Variants in SLC25A36 observed in about 807,000 individuals in gnomAD.
SLC25A36 encodes the protein solute carrier family 25 member 36.
In SLC25A36, 24 loss-of-function variants were observed where a neutral mutation model predicts 35.3. That is an observed-to-expected ratio of 0.68 (90% CI 0.49 to 0.96). The LOEUF (loss-of-function observed/expected upper bound fraction) is 0.96. Ranked by LOEUF, SLC25A36 falls within the 40% of genes least tolerant of loss-of-function variation. The pLI, the probability that SLC25A36 is intolerant of heterozygous loss-of-function variation, is 0.00. For synonymous variants in SLC25A36, 141 were observed against 132.2 expected (o/e 1.07, Z -0.46); for missense variants, 294 against 381.1 (o/e 0.77, Z 1.90).
chr3:140,968,829 A>C (rs1471750878), intron 4 of SLC25A36: 2 of 507,226 alleles, frequency 3.9e-6, no homozygotes, highest in East Asian at 3.0e-4. Flanking sequence ...AATAAGATGA[A>C]TGAGAATTTT....
At chr3:140,968,507 A>T (rs1023010337) in intron 4 of SLC25A36, 5 of 980,062 alleles carry the variant, frequency 5.1e-6, no homozygotes, top group Non-Finnish European at 4.8e-6. Context: ...GTGCTTGGAA[A>T]TGAATTTTAG....
At position 140,967,444 on chromosome 3, in the gene SLC25A36, C is replaced by CA. The variant is rs201960658; in HGVS notation, c.386-3475dup. On this transcript the variant is annotated intron_variant, in intron 4 of 6. Transcript: ENST00000324194. ...ACTTGGCTTTCTTAGAACTCTTTTGCAAAAAAAACAAAAATTAATTACTTT... is the reference window on the plus strand; with the variant it reads ...ACTTGGCTTTCTTAGAACTCTTTTGCAAAAAAAAACAAAAATTAATTACTTT... Among the ~76,000 whole-genome samples, 308 of 150,150 alleles carry CA rather than the reference C, an allele frequency of 2.1e-3. 2 individuals carry two copies. The highest frequency in any genetic ancestry group is 0.016 in the Admixed American group (246 of 15,062).
chr3:140,942,185 G>T (rs1934024197), intron 1 of SLC25A36, 90 bp downstream of exon 1: 1 of 125,506 alleles, frequency 8.0e-6, no homozygotes, highest in Non-Finnish European at 1.6e-5. Context: ...GAGGGGGGTG[G>T]GGGGGTGGGG....
chr3:140,963,555 C>T, intron 4 of SLC25A36: 1 of 165,816 alleles, frequency 6.0e-6, no homozygotes. Flanking sequence ...GTAATTTACT[C>T]TTCTCTCCTC....
rs1361871830 is a variant in SLC25A36, at chr3:140,978,306, T to A, written c.*1853T>A. On this transcript the variant is annotated 3_prime_UTR_variant, in exon 7 of 7. Transcript: ENST00000324194. ...TGGTAAATTTCAGCTTTGACATGTA[T>A]TATGAGGAACGTACCAAAAACCGGT... The A allele has an allele frequency of 2.0e-5, 3 of 152,176 alleles. No individual in the cohort carries two copies. Among genetic ancestry groups the A allele is most frequent in the Admixed American group, 1.3e-4 (2 of 15,272 alleles). 9.4% of individuals were successfully genotyped at this position (152,176 alleles called of 1,614,324 possible). A position where few individuals can be genotyped will look rare whatever the true frequency, so the allele number is the denominator to read the frequency against.
intron 5 of SLC25A36, chr3:140,973,034 G>T (rs1934946503): frequency 6.6e-6 from 1 of 152,154 alleles, no homozygotes; most frequent in Non-Finnish European, 1.5e-5. Flanking sequence ...ATAAGAGTAG[G>T]TGCTGCCCCC....
At position 140,973,889 on chromosome 3, in the gene SLC25A36, C is replaced by A; in HGVS notation, c.626C>A (p.Thr209Asn). 1 of 1,613,230 alleles carries A rather than the reference C, an allele frequency of 6.2e-7. No individual in the cohort carries two copies. The highest frequency in any genetic ancestry group is 8.5e-7 in the Non-Finnish European group (1 of 1,179,488). Residue 209 changes from threonine (T) to asparagine (N), a missense_variant, in exon 6 of 7, where the codon ACT becomes AAT. Physicochemically the swap from Thr to Asn is moderately conservative, Grantham distance 65 (BLOSUM62 0). Coordinates refer to ENST00000324194, the MANE Select transcript of SLC25A36 (RefSeq NM_001104647.3). ...SIKQKLLEYK[T>N]ASTMENDEES... ...AAACAAAAACTACTGGAATATAAGA[C>A]TGCTTCTACAATGGAAAATGATGAA...
chr3:140,965,378 A>T (rs1419874399), intron 4 of SLC25A36: 3 of 151,756 alleles, frequency 2.0e-5, no homozygotes, highest in African/African-American at 7.2e-5. Context: ...CTGTCTATTC[A>T]AGGGAAAAAA....
chr3:140,976,478 A>G lies in SLC25A36; in HGVS notation c.*25A>G, dbSNP rs747382736. 5 of 1,567,520 alleles carry G rather than the reference A, an allele frequency of 3.2e-6. No individual in the cohort carries two copies. The highest frequency in any genetic ancestry group is 2.2e-5 in the East Asian group (1 of 44,516). ...GCAGCACGAGGACTGCTGTACTGCA[A>G]AAAAAGAAGACCAAAAGATTACAGT... On this transcript the variant is annotated 3_prime_UTR_variant, in exon 7 of 7. Coordinates refer to ENST00000324194, the MANE Select transcript of SLC25A36 (RefSeq NM_001104647.3).
At position 140,956,675 on chromosome 3, in the gene SLC25A36, C is replaced by G; in HGVS notation, c.190C>G (p.Pro64Ala). The G allele has an allele frequency of 6.2e-7, 1 of 1,610,048 alleles. No homozygotes were observed. The highest frequency in any genetic ancestry group is 8.5e-7 in the Non-Finnish European group (1 of 1,178,524). ...ASVNRVVSPG[P>A]LHCLKVILEK... ...TGTCAACCGAGTAGTGTCTCCCGGA[C>G]CTCTTCATTGCCTAAAGTGAGAGCA... The change falls in exon 2 of 7, where the codon CCT (proline) becomes GCT (alanine). Residue 64 changes from proline (P) to alanine (A), a missense_variant. Physicochemically the swap from Pro to Ala is conservative, Grantham distance 27. This residue lies in a region of SLC25A36 where 185 missense variants were observed against 201.5 expected (regional missense o/e 0.92). Coordinates refer to ENST00000324194, the MANE Select transcript of SLC25A36 (RefSeq NM_001104647.3).
Position 140,947,400 on chromosome 3 carries a change from C to A in SLC25A36, c.41+5305C>A, listed in dbSNP as rs1576475792. Among the ~76,000 whole-genome samples, 3 of 152,162 alleles carry A rather than the reference C, an allele frequency of 2.0e-5. No individual in the cohort carries two copies. The South Asian group carries it at 6.2e-4, about 32-fold the overall frequency. ...TTTTTTTTATTTCTCAGTCTCGTAT[C>A]TTACTATTTTTCCTTAAAATAGTAA... On this transcript the variant is annotated intron_variant, in intron 1 of 6. Transcript: ENST00000324194.
Position 140,959,734 on chromosome 3 carries a change from G to A in SLC25A36, c.284+194G>A, listed in dbSNP as rs186866693. On this transcript the variant is annotated intron_variant, in intron 3 of 6. Transcript: ENST00000324194. ...GAACAAATTTATATAATAAAGTAAT[G>A]TTTGGTGGTAGGAAATGATACTGGA... 7.0e-3 allele frequency among the ~76,000 whole-genome samples: 1,061 copies of A among 152,240 alleles called. 7 individuals carry two copies. Among genetic ancestry groups the A allele is most frequent in the Non-Finnish European group, 0.011 (772 of 68,008 alleles).
Position 140,949,355 on chromosome 3 carries a change from G to C in SLC25A36, c.42-7172G>C, listed in dbSNP as rs151328202. The stretch of plus-strand genomic sequence containing the variant: ...TGTGTCCACATTCCAGTAAATTACC[G>C]AGATGACTTGATAAACTTACTGTAC... On this transcript the variant is annotated intron_variant, in intron 1 of 6. Transcript: ENST00000324194. Among the ~76,000 whole-genome samples, 39 of 152,186 alleles carry C rather than the reference G, an allele frequency of 2.6e-4. 1 individual carries two copies. In the East Asian group the frequency reaches 6.4e-3, roughly 25 times the overall value.
rs1013419607 is a variant in SLC25A36, at chr3:140,980,472, A to T, written c.*4019A>T. On this transcript the variant is annotated 3_prime_UTR_variant, in exon 7 of 7. Transcript: ENST00000324194. ...GTATTTCAACATTGACATAAATCTG[A>T]AATTGTTGGTTCTACTAATAGTACT... 1.3e-5 allele frequency among the ~76,000 whole-genome samples: 2 copies of T among 152,180 alleles called. No individual in the cohort carries two copies. The highest frequency in any genetic ancestry group is 2.9e-5 in the Non-Finnish European group (2 of 68,042).
intron 4 of SLC25A36, among the ~76,000 whole-genome samples, chr3:140,967,757 A>AT (rs1396000939): frequency 6.6e-6 from 1 of 151,938 alleles, no homozygotes; most frequent in Non-Finnish European, 1.5e-5. Flanking sequence ...ATTTTTAAAA[A>AT]TTTTTTAAGC....
At chr3:140,966,310 T>A in intron 4 of SLC25A36, 1 of 313,912 alleles carries the variant, frequency 3.2e-6, no homozygotes, top group Non-Finnish European at 6.4e-6. Context: ...GTTTTGTGTG[T>A]TTGTGTGTAA....
intron 1 of SLC25A36, among the ~76,000 whole-genome samples, chr3:140,945,670 T>C (rs924824500): frequency 4.0e-5 from 6 of 151,618 alleles, no homozygotes; most frequent in African/African-American, 1.2e-4. Flanking sequence ...AAACTGCTGA[T>C]GCCTTAGCAT....
intron 4 of SLC25A36, chr3:140,964,485 A>G (rs929458753): frequency 6.6e-5 from 10 of 151,920 alleles, no homozygotes; most frequent in African/African-American, 2.4e-4. Flanking sequence ...TCTTTCATTT[A>G]GTGTTATAGA....
intron 1 of SLC25A36, among the ~76,000 whole-genome samples, chr3:140,955,668 G>A (rs1346636697): frequency 6.6e-6 from 1 of 151,978 alleles, no homozygotes; most frequent in Non-Finnish European, 1.5e-5. Context: ...AGGCCTGACA[G>A]GTATTAATTG....
Sources: gnomAD v4.1 joint callset for allele counts (sites outside exome capture counted in the v4.1 genomes callset) on GRCh38, gnomAD v4.1.1 for gene constraint, gnomAD v4.1.1 regional missense constraint, MANE v1.5 for transcripts, NCBI Gene and HGNC (gene_info 2026-07-23, HGNC 2026-07-21) for gene names.